The following HSP90AA1 variants were observed in gnomAD, a reference collection of about 807,000 sequenced individuals.
HSP90AA1 encodes the protein heat shock protein HSP 90-alpha.
Under a neutral mutation model 73.3 loss-of-function variants are expected in HSP90AA1, and 18 were observed. The observed-to-expected ratio is 0.25, with a 90% CI of 0.17 to 0.36. The LOEUF (loss-of-function observed/expected upper bound fraction) is 0.36. Among genes scored for constraint, HSP90AA1 ranks in the 10% least tolerant of loss-of-function variants. HSP90AA1 has a pLI of 1.00. For missense variants in HSP90AA1, 704 were observed against 874.2 expected, an observed-to-expected ratio of 0.81 and a Z score of 2.45; for synonymous variants, 477 against 296.9, an observed-to-expected ratio of 1.61 and a Z score of -6.24.
intron 1 of HSP90AA1, among the ~76,000 whole-genome samples, chr14:102,104,131 A>G (rs1161453025): frequency 6.6e-6 from 1 of 152,168 alleles, no homozygotes; most frequent in Non-Finnish European, 1.5e-5. Context: ...TTAGGAGCCA[A>G]TGATACTGAT....
chr14:102,139,204 C>T, intron 1 of HSP90AA1: 9 of 1,610,428 alleles, frequency 5.6e-6, no homozygotes, highest in Non-Finnish European at 7.6e-6. Context: ...CCCTACCCCG[C>T]CTGAAATAAA....
intron 1 of HSP90AA1, among the ~76,000 whole-genome samples, chr14:102,106,952 T>C (rs1033376704): frequency 6.6e-6 from 1 of 152,000 alleles, no homozygotes; most frequent in African/African-American, 2.4e-5. Context: ...TCAGGAGGAC[T>C]GTGCTGTAAT....
At chr14:102,101,974 A>G in exon 2 of HSP90AA1, 5 of 1,614,132 alleles carry the variant, frequency 3.1e-6, no homozygotes, top group Non-Finnish European at 4.2e-6. Context: ...CAGGGAATGC[A>G]GAGACGTGGA....
intron 1 of HSP90AA1, among the ~76,000 whole-genome samples, chr14:102,134,049 G>A (rs540690074): frequency 2.0e-5 from 3 of 151,850 alleles, no homozygotes; most frequent in Non-Finnish European, 4.4e-5. Context: ...TACTTGGGAC[G>A]CTGAGGCAGG....
chr14:102,090,418 C>A (rs1395997382), upstream of HSP90AA1, among the ~76,000 whole-genome samples: 1 of 151,978 alleles, frequency 6.6e-6, no homozygotes, highest in East Asian at 1.9e-4. Flanking sequence ...CCTTTTCTGT[C>A]CAGCCTCCTC....
At chr14:102,106,729 A>G (rs1566729823) in intron 1 of HSP90AA1, among the ~76,000 whole-genome samples, 2 of 151,890 alleles carry the variant, frequency 1.3e-5, no homozygotes, top group Admixed American at 1.3e-4. Flanking sequence ...TTTTTAGTAA[A>G]GATGGGGTTT....
intron 1 of HSP90AA1, among the ~76,000 whole-genome samples, chr14:102,134,564 C>T (rs1312198239): frequency 1.3e-5 from 2 of 151,992 alleles, no homozygotes; most frequent in Non-Finnish European, 2.9e-5. Context: ...GAGTTTCTTC[C>T]TTCTGATGGG....
rs769070972 is a variant in HSP90AA1, at chr14:102,086,159, AC to A, written c.163-36del. 6 of 1,614,088 alleles carry A rather than the reference AC, an allele frequency of 3.7e-6. No homozygotes were observed. In the African/African-American group the frequency reaches 6.7e-5, roughly 18 times the overall value. ...AAAAATATTAATTTAAGCATACAGC[AC>A]CCCCAAGAAGTTCACACTGAAACCA... On this transcript the variant is annotated intron_variant, in intron 2 of 10. Transcript: ENST00000216281.
chr14:102,129,534 G>C (rs1212178678), intron 1 of HSP90AA1, among the ~76,000 whole-genome samples: 1 of 130,018 alleles, frequency 7.7e-6, no homozygotes, highest in Non-Finnish European at 1.6e-5. Flanking sequence ...TTGGAGTCTT[G>C]CTGTGTCGCC....
At chr14:102,139,412 C>A in exon 1 of HSP90AA1, 1 of 1,550,444 alleles carries the variant, frequency 6.4e-7, no homozygotes, top group South Asian at 1.2e-5. Context: ...CATCCGCGCT[C>A]CCCGTAGGGT....
chr14:102,098,703 C>T (rs2152618633), intron 2 of HSP90AA1, among the ~76,000 whole-genome samples: 1 of 152,048 alleles, frequency 6.6e-6, no homozygotes, highest in South Asian at 2.1e-4. Context: ...ACTTCATGAT[C>T]TGCCTGCCTT....
intron 2 of HSP90AA1, chr14:102,101,772 A>G (rs1595668732): frequency 1.1e-6 from 1 of 900,046 alleles, no homozygotes; most frequent in East Asian, 2.6e-5. Flanking sequence ...AGAGAGTGAC[A>G]TTGTTTTAGC....
chr14:102,109,543 C>T (rs1227248812), intron 1 of HSP90AA1, among the ~76,000 whole-genome samples: 2 of 152,198 alleles, frequency 1.3e-5, no homozygotes, highest in African/African-American at 4.8e-5. Flanking sequence ...TGACTTGCTA[C>T]TCCTTGCCTT....
chr14:102,118,299 C>T (rs2049732235), intron 1 of HSP90AA1, among the ~76,000 whole-genome samples: 1 of 152,170 alleles, frequency 6.6e-6, no homozygotes, highest in Admixed American at 6.5e-5. Context: ...GATAAAAAAC[C>T]ACTTTTTAAT....
In HSP90AA1 at chr14:102,085,741, A is replaced by G; in HGVS notation, c.529+17T>C. On this transcript the variant is annotated intron_variant, in intron 3 of 10. Coordinates refer to ENST00000216281, the MANE Select transcript of HSP90AA1 (RefSeq NM_005348.4). The stretch of plus-strand genomic sequence containing the variant: ...CCTTCCACCGCTCACTTAACCAGTG[A>G]ATGTTCAGGTGCCTACCTGTGTCTG... The G allele has an allele frequency of 1.2e-6, 2 of 1,613,950 alleles. No individual in the cohort carries two copies. The highest frequency in any genetic ancestry group is 1.7e-6 in the Non-Finnish European group (2 of 1,179,870).
In HSP90AA1 at chr14:102,081,719, ACTT is replaced by A; in HGVS notation, c.2189_2191del (p.Glu730del). ...TCATCCCTCAGCCAGAGATTAGTCTACTTCTTCCATGCGTGATGTGTCGTCATC... is the reference window on the plus strand; with the variant it reads ...TCATCCCTCAGCCAGAGATTAGTCTACTTCCATGCGTGATGTGTCGTCATC... On this transcript the variant is annotated inframe_deletion, in exon 11 of 11. Coordinates refer to ENST00000216281, the MANE Select transcript of HSP90AA1 (RefSeq NM_005348.4). 7.0e-7 allele frequency: 1 copy of A among 1,433,254 alleles called. No homozygotes were observed. Among genetic ancestry groups the A allele is most frequent in the Non-Finnish European group, 9.9e-7 (1 of 1,014,818 alleles). The allele number at this position is 1,433,254 out of a possible 1,614,324, so 88.8% of individuals were successfully genotyped here. A position where few individuals can be genotyped will look rare whatever the true frequency, so the allele number is the denominator to read the frequency against.
Position 102,083,850 on chromosome 14 carries a change from C to T in HSP90AA1, c.1281G>A (p.Leu427=). The change falls in exon 7 of 11, where the codon CTG becomes CTA. Residue 427 remains leucine, a synonymous_variant. Coordinates refer to ENST00000216281, the MANE Select transcript of HSP90AA1 (RefSeq NM_005348.4). Reference sequence around the variant, plus strand: ...TCTTGTAGTTCTCTTTATCTTCCGCCAGTTCAGTAAAGAGTTCTAAGCATT... The same window carrying T: ...TCTTGTAGTTCTCTTTATCTTCCGCTAGTTCAGTAAAGAGTTCTAAGCATT... ...VKKCLELFTE[L]AEDKENYKKF... 1 of 1,613,922 alleles carries T rather than the reference C, an allele frequency of 6.2e-7. No homozygotes were observed.
At position 102,084,038 on chromosome 14, in the gene HSP90AA1, T is replaced by G. The variant is rs1016401199; in HGVS notation, c.1148-55A>C. 27 of 1,292,106 alleles carry G rather than the reference T, an allele frequency of 2.1e-5. No individual in the cohort carries two copies. The South Asian group carries it at 3.2e-4, about 15-fold the overall frequency. 80.0% of individuals were successfully genotyped at this position (1,292,106 alleles called of 1,614,324 possible). A position where few individuals can be genotyped will look rare whatever the true frequency, so the allele number is the denominator to read the frequency against. ...GTCATTCCAAGGACAAAACTGGTAC[T>G]ATGTAAACTCCCAAAATCAAAGATA... On this transcript the variant is annotated intron_variant, in intron 6 of 10. Transcript: ENST00000216281.
intron 1 of HSP90AA1, among the ~76,000 whole-genome samples, chr14:102,135,167 A>C (rs1186952833): frequency 6.7e-6 from 1 of 148,498 alleles, no homozygotes; most frequent in Non-Finnish European, 1.5e-5. Flanking sequence ...ACAATCCCTG[A>C]GCTAGACATA....
Sources: gnomAD v4.1 joint callset for allele counts (sites outside exome capture counted in the v4.1 genomes callset) on GRCh38, gnomAD v4.1.1 for gene constraint, MANE v1.5 for transcripts, NCBI Gene and HGNC (gene_info 2026-07-23, HGNC 2026-07-21) for gene names.